FABP12: variants seen among roughly 807,000 people sequenced by gnomAD.
The protein encoded by FABP12 is fatty acid binding protein 12.
Under a neutral mutation model 13.7 loss-of-function variants are expected in FABP12, and 19 were observed. The observed-to-expected ratio is 1.39, with a 90% CI of 0.97 to 2.04. The LOEUF (loss-of-function observed/expected upper bound fraction) is 2.04, where lower values mean the gene tolerates loss of function less well. Ranked by LOEUF, FABP12 falls within the 30% of genes most tolerant of loss-of-function variation. The pLI is 0.00. For missense variants in FABP12, 182 were observed against 164.2 expected (o/e 1.11, Z -0.59); for synonymous variants, 61 against 57.0 (o/e 1.07, Z -0.32).
At chr8:81,550,424 T>C (rs187431422) in intron 1 of FABP12, among the ~76,000 whole-genome samples, 1 of 152,312 alleles carries the variant, frequency 6.6e-6, no homozygotes, top group Admixed American at 6.5e-5. Context: ...AGCAGAACTT[T>C]CATGAGTGGA....
intron 1 of FABP12, among the ~76,000 whole-genome samples, chr8:81,546,788 CT>C (rs1169453913): frequency 6.6e-6 from 1 of 152,312 alleles, no homozygotes; most frequent in African/African-American, 2.4e-5. Context: ...AAAATGTCAA[CT>C]GGTAACCCTT....
At chr8:81,572,330 C>T (rs191826216) in intron 1 of FABP12, among the ~76,000 whole-genome samples, 102 of 152,244 alleles carry the variant, frequency 6.7e-4, no homozygotes, top group Non-Finnish European at 9.4e-4. Context: ...TATAAATATG[C>T]CACAGTTTCT....
chr8:81,578,216 G>A (rs186336764), intron 1 of FABP12, among the ~76,000 whole-genome samples: 132 of 152,240 alleles, frequency 8.7e-4, no homozygotes, highest in African/African-American at 3.1e-3. Flanking sequence ...ATGAGCTTCT[G>A]CCTAGAGAAC....
At chr8:81,573,804 T>G (rs1809977969) in intron 1 of FABP12, among the ~76,000 whole-genome samples, 1 of 152,188 alleles carries the variant, frequency 6.6e-6, no homozygotes, top group South Asian at 2.1e-4. Flanking sequence ...ACATTAATCT[T>G]GTATCCGGAA....
chr8:81,584,925 T>G (rs1224964327), intron 1 of FABP12, among the ~76,000 whole-genome samples: 1 of 152,202 alleles, frequency 6.6e-6, no homozygotes, highest in Non-Finnish European at 1.5e-5. Context: ...TTCATATACC[T>G]GTTGGCCATT....
chr8:81,571,866 A>T (rs1234626321), intron 1 of FABP12, among the ~76,000 whole-genome samples: 1 of 152,226 alleles, frequency 6.6e-6, no homozygotes, highest in Non-Finnish European at 1.5e-5. Flanking sequence ...ACTTCCTCCA[A>T]TTCTTGAGTC....
intron 3 of FABP12, among the ~76,000 whole-genome samples, chr8:81,528,721 A>T (rs2129933618): frequency 6.6e-6 from 1 of 152,228 alleles, no homozygotes; most frequent in Non-Finnish European, 1.5e-5. Flanking sequence ...GTAGAAGTAA[A>T]TTACATATTA....
chr8:81,569,845 C>T (rs1436564874), intron 1 of FABP12, among the ~76,000 whole-genome samples: 1 of 152,164 alleles, frequency 6.6e-6, no homozygotes, highest in Admixed American at 6.5e-5. Flanking sequence ...CTTTTCTGGC[C>T]AGAAACCTGT....
chr8:81,531,179 C>T, intron 2 of FABP12, 64 bp downstream of exon 2: 1 of 1,058,374 alleles, frequency 9.4e-7, no homozygotes. Flanking sequence ...TTATACAGAG[C>T]AAGTTCTGTG....
intron 1 of FABP12, among the ~76,000 whole-genome samples, chr8:81,548,039 T>C (rs1809464436): frequency 6.6e-6 from 1 of 152,164 alleles, no homozygotes; most frequent in Admixed American, 6.5e-5. Flanking sequence ...AGATATACCA[T>C]GATACCAAAA....
In FABP12 at chr8:81,541,910, TAAAAAAAAAA is replaced by T. The variant is rs1167487132; in HGVS notation, c.-184-2177_-184-2168del. On this transcript the variant is annotated intron_variant, in intron 1 of 5. Transcript: ENST00000692030. ...CTGGACTTCCAGGAGTCCCAGGGTT[TAAAAAAAAAA>T]AAAAAAAAAAAAAAAAAAAAAGACA... Among the ~76,000 whole-genome samples the T allele has an allele frequency of 6.9e-4, 49 of 71,150 alleles. 2 individuals are homozygous for T. The South Asian group carries it at 8.2e-3, about 12-fold the overall frequency. The allele number at this position is 71,150 out of a possible 152,430, so 46.7% of individuals were successfully genotyped here.
At chr8:81,568,706 T>C (rs1387898628) in intron 1 of FABP12, among the ~76,000 whole-genome samples, 2 of 152,176 alleles carry the variant, frequency 1.3e-5, no homozygotes, top group Non-Finnish European at 2.9e-5. Flanking sequence ...TATCCACAAT[T>C]GCCAAAATTT....
In FABP12 at chr8:81,553,163, G is replaced by A. The variant is rs563298687; in HGVS notation, c.-184-13420C>T. ...AACATTTAAGAGACCTAGAGAAGAA[G>A]GGATTTCTCTCTTTCTCCAGATACC... is the stretch of plus-strand genomic sequence containing the variant. On this transcript the variant is annotated intron_variant, in intron 1 of 5. Coordinates refer to the FABP12 transcript ENST00000692030. Among the ~76,000 whole-genome samples, 655 of 152,254 alleles carry A rather than the reference G, an allele frequency of 4.3e-3. 3 individuals carry two copies. Among genetic ancestry groups the A allele is most frequent in the Non-Finnish European group, 7.9e-3 (537 of 68,014 alleles).
At chr8:81,544,596 G>A (rs1026790853) in intron 1 of FABP12, among the ~76,000 whole-genome samples, 3 of 151,962 alleles carry the variant, frequency 2.0e-5, no homozygotes, top group Non-Finnish European at 2.9e-5. Context: ...TGGGGAACAA[G>A]GTCTCTTAAT....
chr8:81,550,013 C>T (rs399359), intron 1 of FABP12, among the ~76,000 whole-genome samples: 53,870 of 152,006 alleles, frequency 0.35, 10,262 homozygotes, highest in African/African-American at 0.5. Context: ...TGGAGTTAAG[C>T]GAATTTTCTC....
intron 1 of FABP12, among the ~76,000 whole-genome samples, chr8:81,575,562 C>T (rs1176621531): frequency 6.6e-6 from 1 of 151,930 alleles, no homozygotes; most frequent in African/African-American, 2.4e-5. Flanking sequence ...TATTGAAGTC[C>T]CCCACTATTA....
intron 1 of FABP12, among the ~76,000 whole-genome samples, chr8:81,572,698 A>G (rs1809957465): frequency 6.6e-6 from 1 of 152,046 alleles, no homozygotes; most frequent in South Asian, 2.1e-4. Context: ...CATTTCCCTC[A>G]TTAGTGATGT....
rs756293455 is a variant in FABP12, at chr8:81,529,417, A to G, written c.246+21T>C. ...CTAACATTCTTTTGAAATGTGTCTG[A>G]AAGACTGTCGTAGGCCTCACCTTTG... On this transcript the variant is annotated intron_variant, in intron 3 of 4. Transcript: ENST00000360464. 3.7e-6 allele frequency: 6 copies of G among 1,612,066 alleles called. No individual in the cohort carries two copies. The African/African-American group carries it at 8.0e-5, about 22-fold the overall frequency.
intron 1 of FABP12, among the ~76,000 whole-genome samples, chr8:81,541,165 CAAA>C: frequency 1.1e-5 from 1 of 91,372 alleles, no homozygotes. Context: ...GACTCTGTCT[CAAA>C]AAAAAAAAAA....
Sources: gnomAD v4.1 joint callset for allele counts (sites outside exome capture counted in the v4.1 genomes callset) on GRCh38, gnomAD v4.1.1 for gene constraint, MANE v1.5 for transcripts, NCBI Gene and HGNC (gene_info 2026-07-23, HGNC 2026-07-21) for gene names.